The following PXK variants were observed in gnomAD, a reference collection of about 807,000 sequenced individuals.
PXK encodes PX domain containing serine/threonine kinase like.
A neutral mutation model predicts 84.7 loss-of-function variants in PXK; 35 were observed. That is an observed-to-expected ratio of 0.41 (90% CI 0.32 to 0.55). The LOEUF is 0.55. PXK is among the 20% of genes least tolerant of loss of function. The pLI is 0.21. For synonymous variants in PXK, 253 were observed against 260.8 expected, an observed-to-expected ratio of 0.97 and a Z score of 0.29; for missense variants, 634 against 699.7, an observed-to-expected ratio of 0.91 and a Z score of 1.06.
At position 58,419,253 on chromosome 3, in the gene PXK, ATTTCT is replaced by A. The variant is rs1309760810; in HGVS notation, c.1529-5490_1529-5486del. On this transcript the variant is annotated intron_variant, in intron 17 of 17. Coordinates refer to ENST00000356151, the MANE Select transcript of PXK (RefSeq NM_017771.5). ...ATAGTCAGACAAGGTAGGTCAGGTG[ATTTCT>A]TTTCTTTTTTGAGATGGAGTTTCAC... 3.3e-5 allele frequency among the ~76,000 whole-genome samples: 5 copies of A among 152,080 alleles called. No homozygotes were observed. In the East Asian group the frequency reaches 9.7e-4, roughly 29 times the overall value.
Position 58,401,368 on chromosome 3 carries a change from G to A in PXK, c.1181+1991G>A, listed in dbSNP as rs2058530317. On this transcript the variant is annotated intron_variant, in intron 12 of 17. Coordinates refer to ENST00000356151, the MANE Select transcript of PXK (RefSeq NM_017771.5). This position sits in a 1 kb window ranked among gnomAD's most constrained non-coding sequence, Gnocchi z 4.4. Reference sequence around the variant, plus strand: ...GTGGCTCACACCTATAATCCCAGCAGTTTGGGAGGCTGAGGCAGGTGGATC... The same window carrying A: ...GTGGCTCACACCTATAATCCCAGCAATTTGGGAGGCTGAGGCAGGTGGATC... Among the ~76,000 whole-genome samples the A allele has an allele frequency of 6.6e-6, 1 of 151,890 alleles. No individual in the cohort carries two copies.
At chr3:58,376,364 A>C (rs2098442341) in intron 3 of PXK, among the ~76,000 whole-genome samples, 1 of 152,108 alleles carries the variant, frequency 6.6e-6, no homozygotes, top group Non-Finnish European at 1.5e-5. Context: ...GCAGTGAGCC[A>C]AGATTGTGTC....
chr3:58,345,578 A>G (rs1439153417), intron 1 of PXK, among the ~76,000 whole-genome samples: 1 of 152,186 alleles, frequency 6.6e-6, no homozygotes, highest in African/African-American at 2.4e-5. Context: ...GCCTACATTT[A>G]GTCAGCGGTT....
intron 3 of PXK, among the ~76,000 whole-genome samples, chr3:58,372,990 C>T (rs6800514): frequency 0.29 from 44,642 of 151,746 alleles, 7,345 homozygotes; most frequent in Middle Eastern, 0.4. Context: ...GGGAACTGGG[C>T]AGAGAGAGAA....
chr3:58,354,003 C>G (rs994662117), intron 1 of PXK, among the ~76,000 whole-genome samples: 1 of 152,134 alleles, frequency 6.6e-6, no homozygotes, highest in Non-Finnish European at 1.5e-5. Context: ...CTTTTCAGGC[C>G]TTCCTATGAA....
chr3:58,367,801 G>A (rs1382923342), intron 2 of PXK, among the ~76,000 whole-genome samples: 2 of 152,128 alleles, frequency 1.3e-5, no homozygotes. Flanking sequence ...TCCCACTTCA[G>A]CCTCCTGAGT....
intron 1 of PXK, among the ~76,000 whole-genome samples, chr3:58,344,130 A>C (rs1011748205): frequency 6.6e-6 from 1 of 152,254 alleles, no homozygotes; most frequent in Non-Finnish European, 1.5e-5. Context: ...AAGTGAGGAT[A>C]GAAAGAGTAT....
At chr3:58,420,634 C>A (rs2061687992) in intron 17 of PXK, 2 of 1,533,922 alleles carry the variant, frequency 1.3e-6, no homozygotes, top group Non-Finnish European at 1.7e-6. Context: ...GAAATAGGAC[C>A]CAAAGTGTCT....
rs188265995 is a variant in PXK at position 58,367,598 on chromosome 3, G to A, written c.153+1674G>A. Among the ~76,000 whole-genome samples the A allele has an allele frequency of 2.7e-3, 416 of 152,194 alleles. 2 individuals carry two copies. The highest frequency in any genetic ancestry group is 4.5e-3 in the Non-Finnish European group (303 of 68,016). On this transcript the variant is annotated intron_variant, in intron 2 of 17. Transcript: ENST00000356151. ...TTCAGAAATGAAGACCCAAAGACCCGGGGAAAACTGTCCATTTTTATGCTT... is the reference window on the plus strand; with the variant it reads ...TTCAGAAATGAAGACCCAAAGACCCAGGGAAAACTGTCCATTTTTATGCTT...
intron 1 of PXK, among the ~76,000 whole-genome samples, chr3:58,340,863 C>T (rs1375098903): frequency 6.6e-6 from 1 of 152,090 alleles, no homozygotes. Context: ...AATGAATCTC[C>T]TTTATGTTCC....
At chr3:58,420,622 G>A (rs2061685930) in intron 17 of PXK, 2 of 1,535,640 alleles carry the variant, frequency 1.3e-6, no homozygotes, top group Admixed American at 3.9e-5. Context: ...GTTTCTGTGT[G>A]TGAAATAGGA....
At chr3:58,382,416 A>G (rs1354716111) in intron 3 of PXK, 98 bp from the exon 4 acceptor site, 1 of 1,031,892 alleles carries the variant, frequency 9.7e-7, no homozygotes, top group Non-Finnish European at 1.3e-6. Context: ...TAAAATCTGC[A>G]TTGTCTTAGG....
chr3:58,365,842 A>G (rs761693791), intron 1 of PXK, 32 bp from the exon 2 acceptor site: 2 of 1,486,432 alleles, frequency 1.3e-6, no homozygotes, highest in South Asian at 2.6e-5. Context: ...TCAGTTTTAT[A>G]ACTGAGGTTA....
chr3:58,382,487 T>C (rs1271995050), intron 3 of PXK, 27 bp from the exon 4 acceptor site: 5 of 1,408,844 alleles, frequency 3.5e-6, no homozygotes, highest in Non-Finnish European at 4.7e-6. Context: ...ATGACATGAG[T>C]GTAACTTTTT....
chr3:58,368,234 A>G (rs1177257280), intron 2 of PXK, among the ~76,000 whole-genome samples: 4 of 152,176 alleles, frequency 2.6e-5, no homozygotes, highest in Non-Finnish European at 4.4e-5. Flanking sequence ...GAAGGGAGAG[A>G]GCAACCTCTA....
At chr3:58,357,665 C>G (rs1575936173) in intron 1 of PXK, among the ~76,000 whole-genome samples, 1 of 152,178 alleles carries the variant, frequency 6.6e-6, no homozygotes, top group African/African-American at 2.4e-5. Flanking sequence ...TAGACCTTGG[C>G]CAGGCGTTGT....
chr3:58,361,628 T>C (rs956021338), intron 1 of PXK, among the ~76,000 whole-genome samples: 14 of 152,196 alleles, frequency 9.2e-5, no homozygotes, highest in Admixed American at 2.0e-4. Flanking sequence ...TGCTTTTTTT[T>C]CCACTCAGCA....
In PXK at chr3:58,339,526, A is replaced by G. The variant is rs114950435; in HGVS notation, c.102+6436A>G. Among the ~76,000 whole-genome samples the G allele has an allele frequency of 4.3e-3, 650 of 152,086 alleles. 7 individuals are homozygous for G. Among genetic ancestry groups the G allele is most frequent in the African/African-American group, 0.014 (597 of 41,486 alleles). On this transcript the variant is annotated intron_variant, in intron 1 of 17. Coordinates refer to ENST00000356151, the MANE Select transcript of PXK (RefSeq NM_017771.5). ...ATAACAGGCATGAGCTACCGTGCCC[A>G]GCCAGAAGTTGGTTTTTTTTGCAGC... is the stretch of plus-strand genomic sequence containing the variant.
chr3:58,370,157 C>T lies in PXK; in HGVS notation c.201+679C>T, dbSNP rs2098343479. On this transcript the variant is annotated intron_variant, in intron 3 of 17. Coordinates refer to ENST00000356151, the MANE Select transcript of PXK (RefSeq NM_017771.5). The surrounding 1 kb of genome is among the most constrained non-coding windows in gnomAD (Gnocchi z 4.2). ...CTCTTCATTGAACTAGGCTACATAT[C>T]AGCTCTGCGGATCAACATGCAGCAG... 6.6e-6 allele frequency among the ~76,000 whole-genome samples: 1 copy of T among 152,222 alleles called. No individual in the cohort carries two copies. The highest frequency in any genetic ancestry group is 1.5e-5 in the Non-Finnish European group (1 of 68,036).
Sources: allele counts gnomAD v4.1 joint callset (sites outside exome capture counted in the v4.1 genomes callset), GRCh38; gene constraint gnomAD v4.1.1; non-coding constraint Gnocchi (gnomAD v3.1); transcripts MANE v1.5; gene names NCBI Gene and HGNC (gene_info 2026-07-23, HGNC 2026-07-21).